The following DDX42 variants were observed in gnomAD, a reference collection of about 807,000 sequenced individuals.
The protein encoded by DDX42 is DEAD-box helicase 42, also known as ATP-dependent RNA helicase DDX42.
DDX42 carries 22 observed loss-of-function variants against 101.5 expected under a neutral mutation model. The ratio of observed to expected loss-of-function variants is 0.22; its 90% CI spans 0.15 to 0.31. The LOEUF (loss-of-function observed/expected upper bound fraction) is 0.31. Ranked by LOEUF, DDX42 falls within the 10% of genes least tolerant of loss-of-function variation. The pLI, the probability that DDX42 is intolerant of heterozygous loss-of-function variation, is 1.00. For missense variants in DDX42, 849 were observed against 1,199.9 expected, an observed-to-expected ratio of 0.71 and a Z score of 4.32; for synonymous variants, 402 against 401.2, an observed-to-expected ratio of 1.00 and a Z score of -0.02.
intron 11 of DDX42, 133 bp downstream of exon 11, chr17:63,809,792 T>C (rs1437784805): frequency 1.4e-5 from 9 of 648,546 alleles, no homozygotes; most frequent in African/African-American, 3.7e-5. Context: ...TATAGAAATA[T>C]AGCTAAGATG....
chr17:63,806,384 T>G (rs1164360467), intron 7 of DDX42, 151 bp from the exon 8 acceptor site: 2 of 726,322 alleles, frequency 2.8e-6, no homozygotes, highest in Non-Finnish European at 2.0e-6. Flanking sequence ...CATTTGAGGT[T>G]TTTCCTTTTC....
At chr17:63,805,040 C>G (rs765376577) in intron 6 of DDX42, 31 bp from the exon 7 acceptor site, 1 of 1,579,136 alleles carries the variant, frequency 6.3e-7, no homozygotes, top group African/African-American at 1.4e-5. Flanking sequence ...CTCTTGAATT[C>G]TAGACTAACT....
chr17:63,778,506 G>A (rs536761951), intron 1 of DDX42, among the ~76,000 whole-genome samples: 1 of 152,190 alleles, frequency 6.6e-6, no homozygotes, highest in African/African-American at 2.4e-5. Context: ...GGGCCAGACT[G>A]TGAACTCTGA....
intron 2 of DDX42, among the ~76,000 whole-genome samples, chr17:63,788,012 C>G (rs993192993): frequency 2.1e-5 from 3 of 145,074 alleles, no homozygotes; most frequent in African/African-American, 7.6e-5. Flanking sequence ...TCAAGTGATT[C>G]TCCAGCCTCA....
intron 1 of DDX42, among the ~76,000 whole-genome samples, chr17:63,781,345 G>C (rs1330511326): frequency 6.6e-6 from 1 of 152,084 alleles, no homozygotes; most frequent in East Asian, 1.9e-4. Context: ...AGCCTCCTGA[G>C]TAGCCGGAAC....
Position 63,811,747 on chromosome 17 carries a change from G to C in DDX42, c.1399-185G>C. On this transcript the variant is annotated intron_variant, in intron 13 of 17. Transcript: ENST00000389924. ...CATACAAATTAGGTATGTACACCAG[G>C]TGGAGAGCAAGGTGATTGGAAAGGA... is the stretch of plus-strand genomic sequence containing the variant. The C allele has an allele frequency of 4.2e-6, 3 of 719,432 alleles. No individual in the cohort carries two copies. In the South Asian group the frequency reaches 5.1e-5, roughly 12 times the overall value. 44.6% of individuals were successfully genotyped at this position (719,432 alleles called of 1,614,324 possible).
At chr17:63,776,459 G>A (rs1001900288) in intron 1 of DDX42, 1 of 152,256 alleles carries the variant, frequency 6.6e-6, no homozygotes, top group Non-Finnish European at 1.5e-5. Flanking sequence ...GCTTATGTAT[G>A]AAATACCTGA....
intron 4 of DDX42, 106 bp downstream of exon 4, chr17:63,798,205 T>G: frequency 1.4e-5 from 13 of 960,506 alleles, no homozygotes; most frequent in Non-Finnish European, 1.9e-5. Context: ...CGTACACTTG[T>G]GTACTTTACT....
In DDX42 at chr17:63,774,237, TGGTGGTGGC is replaced by T. The variant is rs2039385188; in HGVS notation, c.-153_-145del. 19 of 185,090 alleles carry T rather than the reference TGGTGGTGGC, an allele frequency of 1.0e-4. No homozygotes were observed. Among genetic ancestry groups the T allele is most frequent in the African/African-American group, 4.8e-4 (4 of 8,374 alleles). The allele number at this position is 185,090 out of a possible 1,614,324, so 11.5% of individuals were successfully genotyped here. On this transcript the variant is annotated 5_prime_UTR_variant, in exon 1 of 18. Coordinates refer to ENST00000389924, the MANE Select transcript of DDX42 (RefSeq NM_203499.3). The stretch of plus-strand genomic sequence containing the variant: ...GTGGTGGCGGTGGCGGCGGCGGTGG[TGGTGGTGGC>T]GGCGGCGGCGGCGAAGGGGGCGGAG...
At chr17:63,800,329 C>G in intron 5 of DDX42, 139 bp from the exon 6 acceptor site, 1 of 631,342 alleles carries the variant, frequency 1.6e-6, no homozygotes, top group South Asian at 2.5e-5. Flanking sequence ...TTAAAGGAAT[C>G]ATTGCTAGTA....
chr17:63,793,621 T>G (rs1598329870), intron 3 of DDX42, among the ~76,000 whole-genome samples: 1 of 152,238 alleles, frequency 6.6e-6, no homozygotes, highest in East Asian at 1.9e-4. Flanking sequence ...TATCCATCAG[T>G]ATTTCTCTGA....
rs753747374 is a variant in DDX42, at chr17:63,812,088, A to G, written c.1555A>G (p.Lys519Glu). Residue 519 changes from lysine to glutamate, a missense_variant, in exon 14 of 18, where the codon AAA becomes GAA. Coordinates refer to ENST00000389924, the MANE Select transcript of DDX42 (RefSeq NM_203499.3). Reference protein sequence around the residue: ...ANAEELANNLKQEGHNLGLLH... With the variant: ...ANAEELANNLEQEGHNLGLLH... ...TGCTGAAGAGCTAGCGAATAACCTTAAACAGGAGGGTCATAATCTTGGGCT... is the reference window on the plus strand; with the variant it reads ...TGCTGAAGAGCTAGCGAATAACCTTGAACAGGAGGGTCATAATCTTGGGCT... The G allele has an allele frequency of 9.9e-6, 16 of 1,614,136 alleles. No homozygotes were observed. In the Admixed American group the frequency reaches 1.7e-4, roughly 17 times the overall value.
chr17:63,797,082 A>T (rs2039702161), intron 3 of DDX42, among the ~76,000 whole-genome samples: 1 of 152,164 alleles, frequency 6.6e-6, no homozygotes. Context: ...TTGATCAGTG[A>T]TCATCAATTT....
At position 63,817,863 on chromosome 17, in the gene DDX42, A is replaced by G. The variant is rs1033722827; in HGVS notation, c.2282A>G (p.Lys761Arg). 2 of 1,614,230 alleles carry G rather than the reference A, an allele frequency of 1.2e-6. No homozygotes were observed. Among genetic ancestry groups the G allele is most frequent in the Admixed American group, 3.3e-5 (2 of 60,024 alleles). ...SPDSPVTSAA[K>R]GIPGFGNTGN... ...GACAGCCCCGTCACCAGTGCCGCCA[A>G]GGGCATCCCAGGCTTTGGCAATACT... Residue 761 changes from lysine to arginine, a missense_variant, in exon 18 of 18, where the codon AAG becomes AGG. Coordinates refer to ENST00000389924, the MANE Select transcript of DDX42 (RefSeq NM_203499.3).
chr17:63,807,646 T>A, intron 8 of DDX42, 78 bp from the exon 9 acceptor site: 1 of 1,364,040 alleles, frequency 7.3e-7, no homozygotes, highest in Non-Finnish European at 1.0e-6. Context: ...TAGTAGTCAT[T>A]TATCATTCCC....
Position 63,818,117 on chromosome 17 carries a change from C to T in DDX42, c.2536C>T (p.His846Tyr), listed in dbSNP as rs776491115. ...TGGTCGCCATGGAGATGGATACCGC[C>T]ATCCAGAAAGCAGCAGCCGTCATAC... ...DGGRHGDGYR[H>Y]PESSSRHTDG... Residue 846 changes from histidine (H) to tyrosine (Y), a missense_variant, in exon 18 of 18, where the codon CAT becomes TAT. By Grantham distance (83) the His-to-Tyr change is moderately conservative. Transcript: ENST00000389924. 2 of 1,613,878 alleles carry T rather than the reference C, an allele frequency of 1.2e-6. No individual in the cohort carries two copies. Among genetic ancestry groups the T allele is most frequent in the Non-Finnish European group, 1.7e-6 (2 of 1,180,014 alleles).
intron 3 of DDX42, 130 bp from the exon 4 acceptor site, chr17:63,797,908 A>G: frequency 1.3e-6 from 1 of 779,294 alleles, no homozygotes. Context: ...GTCAAAATGC[A>G]ATTTGATGGC....
chr17:63,783,701 A>G (rs2039514504), intron 1 of DDX42, among the ~76,000 whole-genome samples: 1 of 152,158 alleles, frequency 6.6e-6, no homozygotes, highest in South Asian at 2.1e-4. Flanking sequence ...GAAGTCCAAA[A>G]TGAGTAAAGA....
At position 63,817,689 on chromosome 17, in the gene DDX42, TTCAG is replaced by T; in HGVS notation, c.2113-1_2115del. The stretch of plus-strand genomic sequence containing the variant: ...ACCTACTCCTGATGTCTCTTTCTCT[TTCAG>T]TCACAGTACAAGAGTCACTTTGTTG... On this transcript the variant is annotated splice_acceptor_variant and splice_polypyrimidine_tract_variant and intron_variant, in intron 17 of 17. Coordinates refer to ENST00000389924, the MANE Select transcript of DDX42 (RefSeq NM_203499.3). LOFTEE classifies it high-confidence loss of function. The T allele has an allele frequency of 6.2e-7, 1 of 1,611,314 alleles. No individual in the cohort carries two copies. Among genetic ancestry groups the T allele is most frequent in the Admixed American group, 1.7e-5 (1 of 59,956 alleles).
Sources: gnomAD v4.1 joint callset for allele counts (sites outside exome capture counted in the v4.1 genomes callset) on GRCh38, gnomAD v4.1.1 for gene constraint, MANE v1.5 for transcripts, NCBI Gene and HGNC (gene_info 2026-07-23, HGNC 2026-07-21) for gene names.